The following EPN2 variants were observed in gnomAD, a reference collection of about 807,000 sequenced individuals.
EPN2 encodes epsin 2.
In EPN2, 34 loss-of-function variants were observed where a neutral mutation model predicts 61.7. The ratio of observed to expected loss-of-function variants is 0.55; its 90% CI spans 0.42 to 0.73. EPN2 has a LOEUF of 0.73. Among genes scored for constraint, EPN2 ranks in the 30% least tolerant of loss-of-function variants. EPN2 has a pLI of 0.00. For missense variants in EPN2, 714 were observed against 839.2 expected (o/e 0.85, Z 1.84); for synonymous variants, 349 against 353.6 (o/e 0.99, Z 0.15).
intron 1 of EPN2, among the ~76,000 whole-genome samples, chr17:19,252,221 C>A (rs1374874899): frequency 2.0e-5 from 3 of 152,024 alleles, no homozygotes; most frequent in Non-Finnish European, 4.4e-5. Flanking sequence ...TTCTGAGGGG[C>A]CTTTTGTGTG....
chr17:19,326,347 A>G (rs575610765), intron 7 of EPN2, among the ~76,000 whole-genome samples: 30 of 152,340 alleles, frequency 2.0e-4, no homozygotes, highest in African/African-American at 7.0e-4. Flanking sequence ...GATTTGCTGT[A>G]TCAGATATCA....
chr17:19,310,830 G>A (rs1020959009), intron 5 of EPN2, among the ~76,000 whole-genome samples: 2 of 151,902 alleles, frequency 1.3e-5, no homozygotes, highest in African/African-American at 4.8e-5. Context: ...TGCCCACCTC[G>A]GCCTCCCAAA....
At chr17:19,325,629 A>G (rs1158105366) in intron 7 of EPN2, among the ~76,000 whole-genome samples, 2 of 152,224 alleles carry the variant, frequency 1.3e-5, no homozygotes, top group Non-Finnish European at 2.9e-5. Context: ...ATTGAACTTA[A>G]TGGTAAAATA....
chr17:19,268,330 C>G (rs2045220668), intron 1 of EPN2, among the ~76,000 whole-genome samples: 1 of 152,180 alleles, frequency 6.6e-6, no homozygotes, highest in South Asian at 2.1e-4. Flanking sequence ...GTGAAAAATA[C>G]TTGGCAAACC....
Position 19,256,157 on chromosome 17 carries a change from G to T in EPN2, c.-294+18626G>T, listed in dbSNP as rs187514367. Among the ~76,000 whole-genome samples, 1,111 of 151,870 alleles carry T rather than the reference G, an allele frequency of 7.3e-3. 18 individuals are homozygous for T. The highest frequency in any genetic ancestry group is 0.024 in the African/African-American group (1,000 of 41,398). Reference sequence around the variant, plus strand: ...TTTCACCATGTTAGCCAGGATGGTCGCGATCTCCTGACCTCGTGATTTGCC... The same window carrying T: ...TTTCACCATGTTAGCCAGGATGGTCTCGATCTCCTGACCTCGTGATTTGCC... On this transcript the variant is annotated intron_variant, in intron 1 of 10. Transcript: ENST00000314728.
At position 19,288,358 on chromosome 17, in the gene EPN2, A is replaced by G. The variant is rs1474034791; in HGVS notation, c.766+2568A>G. 2.6e-5 allele frequency among the ~76,000 whole-genome samples: 4 copies of G among 152,260 alleles called. No individual in the cohort carries two copies. In the East Asian group the frequency reaches 7.7e-4, roughly 29 times the overall value. On this transcript the variant is annotated intron_variant, in intron 4 of 10. Coordinates refer to ENST00000314728, the MANE Select transcript of EPN2 (RefSeq NM_014964.5). ...TCGTGGAGCTTATATGGTAATGGGA[A>G]AGAAAAACACAATATAAATTATTCA... is the stretch of plus-strand genomic sequence containing the variant.
In EPN2 at chr17:19,283,933, C is replaced by CT. The variant is rs2045381313; in HGVS notation, c.595+220dup. Reference sequence around the variant, plus strand: ...CTTGGCTGCTCTGGTTCAGGGATCTCTAACGCCCTTTGCTGCTCTGGGCCT... The same window carrying CT: ...CTTGGCTGCTCTGGTTCAGGGATCTCTTAACGCCCTTTGCTGCTCTGGGCCT... On this transcript the variant is annotated intron_variant, in intron 3 of 10. Coordinates refer to ENST00000314728, the MANE Select transcript of EPN2 (RefSeq NM_014964.5). This position sits in a 1 kb window ranked among gnomAD's most constrained non-coding sequence, Gnocchi z 7.0. Among the ~76,000 whole-genome samples the CT allele has an allele frequency of 6.6e-6, 1 of 152,184 alleles. No individual in the cohort carries two copies. The highest frequency in any genetic ancestry group is 2.4e-5 in the African/African-American group (1 of 41,444).
At chr17:19,251,068 C>A (rs1771455896) in intron 1 of EPN2, among the ~76,000 whole-genome samples, 1 of 152,176 alleles carries the variant, frequency 6.6e-6, no homozygotes, top group Admixed American at 6.5e-5. Context: ...CATTCTGATG[C>A]CTTCCCTTTT....
In EPN2 at chr17:19,328,895, CCTCA is replaced by C. The variant is rs1907028790; in HGVS notation, c.1324+14_1324+17del. 15 of 1,600,372 alleles carry C rather than the reference CCTCA, an allele frequency of 9.4e-6. No homozygotes were observed. Among genetic ancestry groups the C allele is most frequent in the African/African-American group, 1.3e-5 (1 of 74,694 alleles). On this transcript the variant is annotated intron_variant, in intron 8 of 10. Transcript: ENST00000314728. ...AGCCCGTGTCTGTCTCTGGTGAGCC[CCTCA>C]CTCACCCACTTTCCTGCCTGGCCTC... is the stretch of plus-strand genomic sequence containing the variant.
intron 9 of EPN2, among the ~76,000 whole-genome samples, chr17:19,331,209 T>C (rs1263934269): frequency 6.6e-6 from 1 of 152,238 alleles, no homozygotes; most frequent in Non-Finnish European, 1.5e-5. Flanking sequence ...CATTTTAGGT[T>C]GATTTCAGGT....
intron 1 of EPN2, among the ~76,000 whole-genome samples, chr17:19,275,853 T>C (rs1236567193): frequency 1.3e-5 from 2 of 152,198 alleles, no homozygotes; most frequent in Non-Finnish European, 2.9e-5. Context: ...TCATATTGAA[T>C]AGATATGGCT....
intron 4 of EPN2, 118 bp from the exon 5 acceptor site, chr17:19,309,767 T>C (rs1259613255): frequency 8.3e-6 from 6 of 723,780 alleles, no homozygotes; most frequent in Non-Finnish European, 1.2e-5. Flanking sequence ...ATTGTTGGGC[T>C]ACTGCTGGAC....
At chr17:19,300,855 C>T (rs1905470201) in intron 4 of EPN2, among the ~76,000 whole-genome samples, 1 of 152,188 alleles carries the variant, frequency 6.6e-6, no homozygotes, top group Non-Finnish European at 1.5e-5. Context: ...CCAAGGCCAG[C>T]TCCAGGTATC....
In EPN2 at chr17:19,282,936, TTC is replaced by T. The variant is rs2152217290; in HGVS notation, c.-170-10_-170-9del. ...GGCTTACGTCGCAGTGGAATGGGTT[TTC>T]TCTTTCTCTAGGTCATGGCTTCCAG... On this transcript the variant is annotated splice_polypyrimidine_tract_variant and intron_variant, in intron 2 of 10. Coordinates refer to ENST00000314728, the MANE Select transcript of EPN2 (RefSeq NM_014964.5). 2 of 573,428 alleles carry T rather than the reference TTC, an allele frequency of 3.5e-6. No individual in the cohort carries two copies. Among genetic ancestry groups the T allele is most frequent in the Non-Finnish European group, 6.2e-6 (2 of 325,064 alleles). The allele number at this position is 573,428 out of a possible 1,614,324, so 35.5% of individuals were successfully genotyped here. A position where few individuals can be genotyped will look rare whatever the true frequency, so the allele number is the denominator to read the frequency against.
intron 1 of EPN2, among the ~76,000 whole-genome samples, chr17:19,267,525 C>A (rs2045212106): frequency 6.7e-6 from 1 of 149,918 alleles, no homozygotes; most frequent in Non-Finnish European, 1.5e-5. Context: ...AAATATGAAG[C>A]AAGCAGTAGA....
rs769145953 is a variant in EPN2 at position 19,283,224 on chromosome 17, G to A, written c.105G>A (p.Pro35=). ...CCACCTCCAATGACCCGTGGGGCCC[G>A]TCCAGTTCTCTGATGACCGAGATTG... The part of the protein sequence containing the change: ...REATSNDPWG[P]SSSLMTEIAD... Residue 35 remains proline (P), a synonymous_variant, in exon 3 of 11, where the codon CCG becomes CCA. Transcript: ENST00000314728. This position sits in a 1 kb window ranked among gnomAD's most constrained non-coding sequence, Gnocchi z 7.0. The A allele has an allele frequency of 1.1e-5, 17 of 1,614,108 alleles. No homozygotes were observed. Among genetic ancestry groups the A allele is most frequent in the South Asian group, 2.2e-5 (2 of 91,072 alleles).
chr17:19,301,875 G>C (rs1419623475), intron 4 of EPN2, among the ~76,000 whole-genome samples: 2 of 152,210 alleles, frequency 1.3e-5, no homozygotes, highest in African/African-American at 4.8e-5. Flanking sequence ...CTTTCCTCAG[G>C]CCTAGAGGAG....
At chr17:19,317,432 C>T (rs1000877452) in intron 7 of EPN2, among the ~76,000 whole-genome samples, 5 of 152,192 alleles carry the variant, frequency 3.3e-5, no homozygotes, top group South Asian at 2.1e-4. Flanking sequence ...GGCTGTCTTC[C>T]GCCCTGGCAG....
chr17:19,322,905 T>A (rs1368790010), intron 7 of EPN2, among the ~76,000 whole-genome samples: 2 of 152,150 alleles, frequency 1.3e-5, no homozygotes, highest in Non-Finnish European at 2.9e-5. Context: ...TGTCCATCCT[T>A]GAGCAGCAGA....
Sources: gnomAD v4.1 joint callset for allele counts (sites outside exome capture counted in the v4.1 genomes callset) on GRCh38, gnomAD v4.1.1 for gene constraint, Gnocchi (gnomAD v3.1) non-coding constraint, MANE v1.5 for transcripts, NCBI Gene and HGNC (gene_info 2026-07-23, HGNC 2026-07-21) for gene names.